ASTN1: variants seen among roughly 807,000 people sequenced by gnomAD.
The protein encoded by ASTN1 is astrotactin 1.
Under a neutral mutation model 140.7 loss-of-function variants are expected in ASTN1, and 41 were observed. The ratio of observed to expected loss-of-function variants is 0.29; its 90% confidence interval spans 0.23 to 0.38. The LOEUF (loss-of-function observed/expected upper bound fraction) is 0.38, where lower values mean the gene tolerates loss of function less well. ASTN1 is among the 10% of genes least tolerant of loss of function. The pLI, the probability that ASTN1 is intolerant of heterozygous loss-of-function variation, is 1.00. For synonymous variants in ASTN1, 640 were observed against 652.2 expected (o/e 0.98, Z 0.29); for missense variants, 1,479 against 1,678.8 (o/e 0.88, Z 2.08).
chr1:176,863,049 G>T lies in ASTN1; in HGVS notation c.*1235C>A, dbSNP rs1668018365. ...TGAAAGGCTGGGCTTCCTGTTGGCT[G>T]GGCCACCATTCATGACCATGCCAAT... On this transcript the variant is annotated 3_prime_UTR_variant, in exon 23 of 23. Coordinates refer to ENST00000361833, the MANE Select transcript of ASTN1 (RefSeq NM_004319.3). 4.1e-6 allele frequency: 4 copies of T among 985,610 alleles called. No individual in the cohort carries two copies. In the African/African-American group the frequency reaches 5.2e-5, roughly 13 times the overall value. 61.1% of individuals were successfully genotyped at this position (985,610 alleles called of 1,614,324 possible). A position where few individuals can be genotyped will look rare whatever the true frequency, so the allele number is the denominator to read the frequency against.
At chr1:176,899,613 G>T (rs929378492) in intron 16 of ASTN1, among the ~76,000 whole-genome samples, 6 of 152,140 alleles carry the variant, frequency 3.9e-5, no homozygotes, top group African/African-American at 1.2e-4. Context: ...AGGAAAGAAG[G>T]CTTGATGTGG....
chr1:176,944,788 G>A (rs562469051), intron 13 of ASTN1, among the ~76,000 whole-genome samples: 2 of 152,276 alleles, frequency 1.3e-5, no homozygotes, highest in African/African-American at 4.8e-5. Context: ...CTAGGCAGAG[G>A]CAGTCTCATT....
intron 9 of ASTN1, among the ~76,000 whole-genome samples, chr1:176,964,381 A>G (rs1218174848): frequency 6.6e-6 from 1 of 152,232 alleles, no homozygotes; most frequent in Non-Finnish European, 1.5e-5. Flanking sequence ...CATACTGTCA[A>G]GCCAAGCACT....
intron 1 of ASTN1, among the ~76,000 whole-genome samples, chr1:177,081,188 C>T (rs1204737512): frequency 6.6e-6 from 1 of 152,050 alleles, no homozygotes; most frequent in Non-Finnish European, 1.5e-5. Flanking sequence ...AAAAACATAA[C>T]CTGGAGGAAG....
chr1:176,911,184 C>A (rs1332610150), intron 16 of ASTN1, among the ~76,000 whole-genome samples: 1 of 152,106 alleles, frequency 6.6e-6, no homozygotes. Flanking sequence ...AATGGTCCAC[C>A]TGTAAAGGGC....
chr1:177,037,974 G>A (rs921154221), intron 2 of ASTN1, among the ~76,000 whole-genome samples: 2 of 152,206 alleles, frequency 1.3e-5, no homozygotes, highest in African/African-American at 4.8e-5. Flanking sequence ...AGAATAGTAT[G>A]AGATTTGTCA....
intron 16 of ASTN1, among the ~76,000 whole-genome samples, chr1:176,903,575 T>G (rs1385517888): frequency 6.6e-6 from 1 of 152,214 alleles, no homozygotes; most frequent in Non-Finnish European, 1.5e-5. Flanking sequence ...ACCTACATTT[T>G]GAAACCTTTC....
Position 176,991,583 on chromosome 1 carries a change from G to C in ASTN1, c.1523+23208C>G, listed in dbSNP as rs550558702. On this transcript the variant is annotated intron_variant, in intron 8 of 22. Transcript: ENST00000361833. ...CAGGAGCCAGGCGACCTGATCGCTC[G>C]ATAATTCGAACACTAACTAGCTGTG... 1.6e-3 allele frequency among the ~76,000 whole-genome samples: 237 copies of C among 152,314 alleles called. 1 individual carries two copies. The highest frequency in any genetic ancestry group is 5.5e-3 in the African/African-American group (230 of 41,580).
intron 9 of ASTN1, 36 bp from the exon 10 acceptor site, chr1:176,958,518 G>C (rs759036386): frequency 6.3e-7 from 1 of 1,579,460 alleles, no homozygotes; most frequent in Non-Finnish European, 8.6e-7. Flanking sequence ...GTCATGACTG[G>C]GGGCATAACC....
intron 9 of ASTN1, among the ~76,000 whole-genome samples, chr1:176,962,985 TA>T (rs1316573309): frequency 6.6e-6 from 1 of 152,192 alleles, no homozygotes; most frequent in Non-Finnish European, 1.5e-5. Context: ...ATTTGGACGA[TA>T]AAAACTGGTA....
intron 8 of ASTN1, among the ~76,000 whole-genome samples, chr1:176,996,097 T>C (rs1438485755): frequency 6.6e-6 from 1 of 152,098 alleles, no homozygotes; most frequent in Admixed American, 6.6e-5. Flanking sequence ...AAACCTAGGT[T>C]CACGCAGAAA....
In ASTN1 at chr1:177,058,803, C is replaced by T. The variant is rs183278629; in HGVS notation, c.471+2275G>A. 2.2e-3 allele frequency among the ~76,000 whole-genome samples: 331 copies of T among 149,184 alleles called. 1 individual carries two copies. Among genetic ancestry groups the T allele is most frequent in the Non-Finnish European group, 3.4e-3 (228 of 67,328 alleles). ...TGCTCCCATCCCCCCAGCAGTATAC[C>T]CACCCCCACAAACATACACAAACAA... On this transcript the variant is annotated intron_variant, in intron 2 of 22. Transcript: ENST00000361833.
intron 1 of ASTN1, among the ~76,000 whole-genome samples, chr1:177,079,490 T>C (rs1679077337): frequency 6.6e-6 from 1 of 152,192 alleles, no homozygotes. Flanking sequence ...TTAAAAAATA[T>C]ATTTATTTAA....
chr1:177,021,566 G>T (rs1380796590), intron 7 of ASTN1, among the ~76,000 whole-genome samples: 4 of 152,190 alleles, frequency 2.6e-5, no homozygotes, highest in Non-Finnish European at 4.4e-5. Flanking sequence ...CTCTGCTTTA[G>T]GTAGCTGTGG....
chr1:177,037,438 C>A (rs1676773705), intron 2 of ASTN1, among the ~76,000 whole-genome samples: 1 of 152,184 alleles, frequency 6.6e-6, no homozygotes. Context: ...AGTTATCACA[C>A]ACACAAGGCT....
chr1:177,038,762 T>C (rs1191735902), intron 2 of ASTN1, among the ~76,000 whole-genome samples: 1 of 152,178 alleles, frequency 6.6e-6, no homozygotes, highest in East Asian at 1.9e-4. Flanking sequence ...ACACGTATGG[T>C]TCCTGATCTC....
chr1:176,904,462 T>A (rs1244697790), intron 16 of ASTN1, among the ~76,000 whole-genome samples: 1 of 151,776 alleles, frequency 6.6e-6, no homozygotes, highest in African/African-American at 2.4e-5. Flanking sequence ...CAGAGCAGCA[T>A]GGGGAGAGGG....
At chr1:177,146,090 A>G (rs575560623) in intron 1 of ASTN1, among the ~76,000 whole-genome samples, 1 of 152,290 alleles carries the variant, frequency 6.6e-6, no homozygotes, top group South Asian at 2.1e-4. Context: ...CATAAGCCAT[A>G]TATTTTATTA....
At chr1:177,101,590 G>C (rs781589004) in intron 1 of ASTN1, among the ~76,000 whole-genome samples, 4 of 152,162 alleles carry the variant, frequency 2.6e-5, no homozygotes, top group Non-Finnish European at 4.4e-5. Context: ...GGGGTGGCTG[G>C]TGCTGTTTTC....
Sources: gnomAD v4.1 joint callset for allele counts (sites outside exome capture counted in the v4.1 genomes callset) on GRCh38, gnomAD v4.1.1 for gene constraint, MANE v1.5 for transcripts, NCBI Gene and HGNC (gene_info 2026-07-23, HGNC 2026-07-21) for gene names.